The following ITCH variants were observed in gnomAD, a reference collection of about 807,000 sequenced individuals.
The protein encoded by ITCH is itchy E3 ubiquitin protein ligase, also known as E3 ubiquitin-protein ligase Itchy homolog.
A neutral mutation model predicts 126.8 loss-of-function variants in ITCH; 28 were observed. That is an observed-to-expected ratio of 0.22 (90% CI 0.16 to 0.30). The LOEUF is 0.30. Among genes scored for constraint, ITCH ranks in the 10% least tolerant of loss-of-function variants. ITCH has a pLI of 1.00. For missense variants in ITCH, 631 were observed against 1,032.4 expected, an observed-to-expected ratio of 0.61 and a Z score of 5.33; for synonymous variants, 342 against 340.0, an observed-to-expected ratio of 1.01 and a Z score of -0.06.
In ITCH at chr20:34,475,130, A is replaced by T. The variant is rs1431376930; in HGVS notation, c.1570-2642A>T. Among the ~76,000 whole-genome samples, 4 of 147,718 alleles carry T rather than the reference A, an allele frequency of 2.7e-5. No individual in the cohort carries two copies. The Middle Eastern group carries it at 0.011, about 393-fold the overall frequency. ...GGGAAGAGGCGCTCCTCACTCCTAG[A>T]TGGGATGGCGGCCGGGCAGAGACGC... On this transcript the variant is annotated intron_variant, in intron 16 of 24. Transcript: ENST00000374864.
At chr20:34,449,988 C>T (rs1263129541) in intron 12 of ITCH, among the ~76,000 whole-genome samples, 2 of 152,068 alleles carry the variant, frequency 1.3e-5, no homozygotes, top group Admixed American at 6.5e-5. Context: ...GATGATGATT[C>T]CATCATCTTG....
intron 11 of ITCH, among the ~76,000 whole-genome samples, chr20:34,447,855 C>A (rs1473980292): frequency 6.6e-6 from 1 of 152,082 alleles, no homozygotes; most frequent in East Asian, 1.9e-4. Flanking sequence ...CATCAATCAA[C>A]CAGGTTTCTG....
chr20:34,417,439 G>A (rs1417471049), intron 6 of ITCH, among the ~76,000 whole-genome samples: 2 of 126,668 alleles, frequency 1.6e-5, no homozygotes, highest in Admixed American at 8.9e-5. Flanking sequence ...CGCTCTTGTT[G>A]CCCAGGCTGG....
intron 19 of ITCH, 118 bp downstream of exon 19, chr20:34,480,850 T>C: frequency 3.0e-6 from 3 of 1,003,920 alleles, no homozygotes; most frequent in Non-Finnish European, 4.4e-6. Context: ...ATGATCTATA[T>C]ATCAAACCTG....
At chr20:34,493,458 T>G (rs1569001877) in intron 23 of ITCH, among the ~76,000 whole-genome samples, 2 of 151,914 alleles carry the variant, frequency 1.3e-5, no homozygotes, top group African/African-American at 4.8e-5. Context: ...GACCTAGAGA[T>G]AAGAAGAAAT....
chr20:34,438,698 T>C (rs1983356397), intron 8 of ITCH, 67 bp downstream of exon 8: 3 of 1,548,370 alleles, frequency 1.9e-6, no homozygotes, highest in African/African-American at 1.4e-5. Context: ...CTCAGGTAAG[T>C]GTCAGGAAAT....
chr20:34,442,175 G>A, intron 9 of ITCH, 33 bp from the exon 10 acceptor site: 2 of 1,522,790 alleles, frequency 1.3e-6, no homozygotes, highest in Non-Finnish European at 1.8e-6. Flanking sequence ...ACTCATGCAA[G>A]TATTTTACCA....
chr20:34,400,912 T>G (rs954276204), intron 3 of ITCH, among the ~76,000 whole-genome samples: 1 of 152,124 alleles, frequency 6.6e-6, no homozygotes, highest in Non-Finnish European at 1.5e-5. Flanking sequence ...CATGCACCAC[T>G]GTGCCTGGCT....
rs1387951803 is a variant in ITCH at position 34,508,487 on chromosome 20, T to C, written c.*693T>C. On this transcript the variant is annotated 3_prime_UTR_variant, in exon 25 of 25. Transcript: ENST00000374864. ...CAAATACTACACTTTACAAACAATG[T>C]TAACACTGTGATTCCTTCATTGTTT... The C allele has an allele frequency of 6.4e-6, 1 of 155,120 alleles. No homozygotes were observed. Among genetic ancestry groups the C allele is most frequent in the African/African-American group, 2.4e-5 (1 of 41,444 alleles). 9.6% of individuals were successfully genotyped at this position (155,120 alleles called of 1,614,324 possible).
chr20:34,477,110 T>C (rs1260248338), intron 16 of ITCH, among the ~76,000 whole-genome samples: 1 of 152,218 alleles, frequency 6.6e-6, no homozygotes, highest in Non-Finnish European at 1.5e-5. Context: ...ACGTGTACCT[T>C]TGGCTATGAG....
intron 23 of ITCH, among the ~76,000 whole-genome samples, chr20:34,504,023 G>A (rs1202681130): frequency 6.6e-6 from 1 of 151,882 alleles, no homozygotes; most frequent in African/African-American, 2.4e-5. Flanking sequence ...TGGGATTACA[G>A]GCATACGCCA....
At chr20:34,456,630 C>T (rs1986024570) in intron 12 of ITCH, among the ~76,000 whole-genome samples, 1 of 108,590 alleles carries the variant, frequency 9.2e-6, no homozygotes, top group African/African-American at 3.6e-5. Flanking sequence ...GAGACCTTGT[C>T]TCCAAAAAAA....
At chr20:34,504,213 G>A in intron 23 of ITCH, 118 bp from the exon 24 acceptor site, 3 of 770,932 alleles carry the variant, frequency 3.9e-6, no homozygotes, top group Non-Finnish European at 4.6e-6. Flanking sequence ...TGATGTGTGG[G>A]GCCTGAGGAT....
At chr20:34,417,990 A>G (rs999770513) in intron 6 of ITCH, among the ~76,000 whole-genome samples, 5 of 148,314 alleles carry the variant, frequency 3.4e-5, no homozygotes, top group South Asian at 2.1e-4. Flanking sequence ...TTTTTGAGAC[A>G]GGGTATCGTT....
intron 2 of ITCH, among the ~76,000 whole-genome samples, chr20:34,391,423 C>T (rs2038487611): frequency 6.6e-6 from 1 of 152,084 alleles, no homozygotes; most frequent in African/African-American, 2.4e-5. Flanking sequence ...TGATCTACCC[C>T]ACCCCAACTC....
intron 5 of ITCH, among the ~76,000 whole-genome samples, chr20:34,413,009 T>G (rs1030787706): frequency 6.6e-6 from 1 of 152,080 alleles, no homozygotes; most frequent in African/African-American, 2.4e-5. Context: ...ATGCTTTTTT[T>G]TTTGGGAGGG....
At chr20:34,434,804 T>G (rs1478917438) in intron 7 of ITCH, among the ~76,000 whole-genome samples, 1 of 152,172 alleles carries the variant, frequency 6.6e-6, no homozygotes, top group Admixed American at 6.6e-5. Context: ...TAGAAACTGA[T>G]TGATTTCTAA....
intron 2 of ITCH, among the ~76,000 whole-genome samples, chr20:34,379,213 A>C (rs2037959682): frequency 6.6e-6 from 1 of 152,010 alleles, no homozygotes; most frequent in Non-Finnish European, 1.5e-5. Flanking sequence ...GGAATGGAGA[A>C]TGGGGTGTGT....
chr20:34,461,447 A>C (rs549944392), intron 13 of ITCH, among the ~76,000 whole-genome samples: 10 of 152,290 alleles, frequency 6.6e-5, no homozygotes, highest in African/African-American at 2.2e-4. Flanking sequence ...GCAGTGGCTC[A>C]CGCCTGTAAT....
Sources: allele counts gnomAD v4.1 joint callset (sites outside exome capture counted in the v4.1 genomes callset), GRCh38; gene constraint gnomAD v4.1.1; transcripts MANE v1.5; gene names NCBI Gene and HGNC (gene_info 2026-07-23, HGNC 2026-07-21).